Variants in PDE4B observed in about 807,000 individuals in gnomAD.
The protein encoded by PDE4B is phosphodiesterase 4B.
A neutral mutation model predicts 82.2 loss-of-function variants in PDE4B; 20 were observed. The observed-to-expected ratio is 0.24, with a 90% CI of 0.17 to 0.35. The LOEUF is 0.35. PDE4B is among the 10% of genes least tolerant of loss of function. The probability of loss-of-function intolerance (pLI) is 1.00; values close to 1 mark genes in which losing one functional copy is unlikely to be tolerated. For synonymous variants in PDE4B, 320 were observed against 318.9 expected (o/e 1.00, Z -0.04); for missense variants, 655 against 907.2 (o/e 0.72, Z 3.57).
At chr1:66,236,877 C>A (rs1652503384) in intron 3 of PDE4B, among the ~76,000 whole-genome samples, 1 of 152,136 alleles carries the variant, frequency 6.6e-6, no homozygotes, top group South Asian at 2.1e-4. Flanking sequence ...CACGATGTAC[C>A]ATTTAATAGC....
intron 3 of PDE4B, among the ~76,000 whole-genome samples, chr1:66,096,763 T>G (rs902133927): frequency 5.9e-5 from 9 of 151,622 alleles, no homozygotes; most frequent in African/African-American, 2.2e-4. Context: ...TTCTAAAAAC[T>G]TATTCCTTGC....
intron 7 of PDE4B, among the ~76,000 whole-genome samples, chr1:66,284,697 A>C (rs1277225049): frequency 6.6e-6 from 1 of 152,158 alleles, no homozygotes. Flanking sequence ...ATGAAAAAGT[A>C]TAGGTTTAAT....
intron 3 of PDE4B, among the ~76,000 whole-genome samples, chr1:66,022,982 A>G (rs1653224125): frequency 6.6e-6 from 1 of 152,096 alleles, no homozygotes. Flanking sequence ...CCTCAATTTC[A>G]GAACCTGTTA....
chr1:66,365,153 T>C (rs577576158), intron 12 of PDE4B, among the ~76,000 whole-genome samples: 2 of 152,340 alleles, frequency 1.3e-5, no homozygotes, highest in South Asian at 4.1e-4. Context: ...ACGTACTGAA[T>C]GAATGAATAA....
At chr1:66,299,953 GA>G (rs1262490637) in intron 7 of PDE4B, among the ~76,000 whole-genome samples, 1 of 151,950 alleles carries the variant, frequency 6.6e-6, no homozygotes, top group African/African-American at 2.4e-5. Context: ...ATATTATAAG[GA>G]AAAAATATAT....
intron 3 of PDE4B, among the ~76,000 whole-genome samples, chr1:66,055,747 G>A (rs1655259006): frequency 6.6e-6 from 1 of 152,070 alleles, no homozygotes; most frequent in African/African-American, 2.4e-5. Flanking sequence ...CAAAAATGAT[G>A]CATTAAAAAT....
chr1:66,334,063 C>CT (rs1472651841), intron 8 of PDE4B, among the ~76,000 whole-genome samples: 1 of 152,172 alleles, frequency 6.6e-6, no homozygotes, highest in East Asian at 1.9e-4. Context: ...TGTAGAAGGA[C>CT]TTTCACAAGG....
intron 3 of PDE4B, among the ~76,000 whole-genome samples, chr1:66,097,643 C>T (rs754427214): frequency 2.0e-5 from 3 of 151,766 alleles, no homozygotes; most frequent in Non-Finnish European, 2.9e-5. Flanking sequence ...ATAGCCTATA[C>T]TTTTTTCTTC....
intron 3 of PDE4B, among the ~76,000 whole-genome samples, chr1:66,105,403 G>A (rs1317082056): frequency 1.3e-5 from 2 of 152,052 alleles, no homozygotes; most frequent in South Asian, 2.1e-4. Context: ...TTTTGGCTTA[G>A]GATTGACTTG....
intron 1 of PDE4B, among the ~76,000 whole-genome samples, chr1:65,805,293 T>A (rs1645742665): frequency 6.6e-6 from 1 of 152,144 alleles, no homozygotes; most frequent in Admixed American, 6.5e-5. Flanking sequence ...AGTACATGGA[T>A]TTCAAAGATG....
intron 6 of PDE4B, among the ~76,000 whole-genome samples, chr1:66,264,742 C>T (rs1654912410): frequency 6.6e-6 from 1 of 152,170 alleles, no homozygotes; most frequent in African/African-American, 2.4e-5. Flanking sequence ...GTAGAAAAAC[C>T]TAGGGAATTA....
intron 1 of PDE4B, among the ~76,000 whole-genome samples, chr1:65,842,553 C>T (rs2101350696): frequency 6.6e-6 from 1 of 152,200 alleles, no homozygotes; most frequent in Admixed American, 6.5e-5. Flanking sequence ...ATATTTAATT[C>T]AGCAGATATT....
chr1:66,021,310 C>G (rs980119912), intron 3 of PDE4B, among the ~76,000 whole-genome samples: 1 of 152,158 alleles, frequency 6.6e-6, no homozygotes, highest in African/African-American at 2.4e-5. Context: ...TGCAGATGCT[C>G]TTTAGTTTAA....
intron 3 of PDE4B, among the ~76,000 whole-genome samples, chr1:66,088,280 A>G (rs1428327800): frequency 3.3e-5 from 5 of 151,998 alleles, no homozygotes; most frequent in South Asian, 4.1e-4. Flanking sequence ...TTTATTTTTT[A>G]AGGACAGGAA....
chr1:66,031,959 G>T (rs528259270), intron 3 of PDE4B, among the ~76,000 whole-genome samples: 1 of 152,250 alleles, frequency 6.6e-6, no homozygotes, highest in African/African-American at 2.4e-5. Flanking sequence ...AAAGGTTGGG[G>T]CTCCTGTTGA....
At chr1:65,828,377 C>T (rs1646043080) in intron 1 of PDE4B, among the ~76,000 whole-genome samples, 1 of 151,418 alleles carries the variant, frequency 6.6e-6, no homozygotes, top group Non-Finnish European at 1.5e-5. Context: ...TCTCGAGTAG[C>T]TGGGATTCCA....
At chr1:65,857,889 C>CTT (rs758685296) in intron 1 of PDE4B, among the ~76,000 whole-genome samples, 3 of 144,414 alleles carry the variant, frequency 2.1e-5, no homozygotes, top group Non-Finnish European at 3.0e-5. Context: ...ATCTTGACTC[C>CTT]TTTTTTTTTT....
chr1:66,286,512 T>C (rs1656687019), intron 7 of PDE4B, among the ~76,000 whole-genome samples: 1 of 152,120 alleles, frequency 6.6e-6, no homozygotes, highest in South Asian at 2.1e-4. Context: ...TATTAATAAA[T>C]CCACATTCCC....
intron 1 of PDE4B, among the ~76,000 whole-genome samples, chr1:65,804,571 G>A (rs939338659): frequency 7.2e-5 from 11 of 152,156 alleles, no homozygotes; most frequent in Admixed American, 7.2e-4. Flanking sequence ...AGTAGCAGTA[G>A]CAGCAATAAT....
Sources: gnomAD v4.1 joint callset for allele counts (sites outside exome capture counted in the v4.1 genomes callset) on GRCh38, gnomAD v4.1.1 for gene constraint, MANE v1.5 for transcripts, NCBI Gene and HGNC (gene_info 2026-07-23, HGNC 2026-07-21) for gene names.